The following TMEM187 variants were observed in gnomAD, a reference collection of about 807,000 sequenced individuals.
TMEM187 encodes the protein chromosome X open reading frame 12.
A neutral mutation model predicts 11.8 loss-of-function variants in TMEM187; 14 were observed. That is an observed-to-expected ratio of 1.18 (90% CI 0.78 to 1.85). TMEM187 has a LOEUF of 1.85. Ranked by LOEUF, TMEM187 falls within the 40% of genes most tolerant of loss-of-function variation. The probability of loss-of-function intolerance (pLI) is 0.00; values close to 1 mark genes in which losing one functional copy is unlikely to be tolerated. For missense variants in TMEM187, 227 were observed against 243.9 expected (o/e 0.93, Z 0.46); for synonymous variants, 112 against 118.5 (o/e 0.95, Z 0.36).
rs781834823 is a variant in TMEM187 at position 153,982,440 on chromosome X, C to T, written c.378C>T (p.Pro126=). 9 of 1,201,722 alleles carry T rather than the reference C, an allele frequency of 7.5e-6. No individual in the cohort carries two copies. The highest frequency in any genetic ancestry group is 3.5e-5 in the African/African-American group (2 of 57,773). ...QWLTLPIFAW[P]VAWCLYLDRG... ...TCACACTGCCCATCTTTGCATGGCC[C>T]GTGGCCTGGTGCCTCTACCTAGACC... Residue 126 remains proline (P), a synonymous_variant, in exon 2 of 2, where the codon CCC becomes CCT. Coordinates refer to ENST00000369982, the MANE Select transcript of TMEM187 (RefSeq NM_003492.3).
At chrX:153,979,972 C>T (rs993241206) in intron 1 of TMEM187, among the ~76,000 whole-genome samples, 17 of 108,891 alleles carry the variant, frequency 1.6e-4, no homozygotes, top group African/African-American at 1.0e-4. Context: ...CTCCTGACCT[C>T]GTGATCCACC....
intron 1 of TMEM187, among the ~76,000 whole-genome samples, chrX:153,974,314 A>T (rs1246415414): frequency 4.5e-5 from 5 of 112,128 alleles, no homozygotes; most frequent in African/African-American, 1.6e-4. Flanking sequence ...CATGGGTGCC[A>T]TGGGGCCCTA....
intron 1 of TMEM187, among the ~76,000 whole-genome samples, chrX:153,973,891 G>C (rs782511221): frequency 5.1e-4 from 57 of 111,999 alleles, no homozygotes; most frequent in African/African-American, 1.8e-3. Context: ...AAACGCGTGC[G>C]GGAGAGTCTG....
At chrX:153,975,590 A>G (rs1440553358) in intron 1 of TMEM187, among the ~76,000 whole-genome samples, 3 of 91,689 alleles carry the variant, frequency 3.3e-5, no homozygotes, top group Non-Finnish European at 4.1e-5. Flanking sequence ...TCAGCCTCCC[A>G]GTGTGCTGGG....
chrX:153,983,076 G>A lies in TMEM187; in HGVS notation c.*228G>A, dbSNP rs1399537639. 2 of 595,081 alleles carry A rather than the reference G, an allele frequency of 3.4e-6. No individual in the cohort carries two copies. Among genetic ancestry groups the A allele is most frequent in the Non-Finnish European group, 5.2e-6 (2 of 382,666 alleles). The allele number at this position is 595,081 out of a possible 1,213,427, so 49.0% of individuals were successfully genotyped here. The stretch of plus-strand genomic sequence containing the variant: ...GCACAGATCTCCGCACAGGGGATGT[G>A]TGTGTTCCTGATGTAATTTGCATAA... On this transcript the variant is annotated 3_prime_UTR_variant, in exon 2 of 2. Transcript: ENST00000369982.
chrX:153,982,380 G>A lies in TMEM187; in HGVS notation c.318G>A (p.Thr106=), dbSNP rs782611312. The change falls in exon 2 of 2, where the codon ACG becomes ACA. Residue 106 remains threonine, a synonymous_variant. Transcript: ENST00000369982. ...CCGTGCAGTGGCTGCGCCTGTGGAC[G>A]CAGTGGCGCCGTGCCGCGGTGCTGG... ...YGPVQWLRLW[T]QWRRAAVLDQ... The A allele has an allele frequency of 3.4e-5, 41 of 1,200,375 alleles. No homozygotes were observed. The highest frequency in any genetic ancestry group is 4.7e-4 in the Middle Eastern group (2 of 4,245).
rs782144234 is a variant in TMEM187, at chrX:153,982,182, C to T, written c.120C>T (p.Tyr40=). 18 of 1,211,746 alleles carry T rather than the reference C, an allele frequency of 1.5e-5. No individual in the cohort carries two copies. The Admixed American group carries it at 2.2e-4, about 15-fold the overall frequency. The change falls in exon 2 of 2, where the codon TAC becomes TAT. Residue 40 remains tyrosine, a synonymous_variant. Transcript: ENST00000369982. The part of the protein sequence containing the change: ...SVSVQVGYEH[Y]AEAPVAGLPA... Reference sequence around the variant, plus strand: ...CCGTGCAAGTGGGCTATGAGCACTACGCCGAGGCGCCCGTGGCCGGCCTCC... The same window carrying T: ...CCGTGCAAGTGGGCTATGAGCACTATGCCGAGGCGCCCGTGGCCGGCCTCC...
chrX:153,978,456 T>C (rs1202225652), intron 1 of TMEM187, among the ~76,000 whole-genome samples: 3 of 104,931 alleles, frequency 2.9e-5, no homozygotes, highest in Non-Finnish European at 5.9e-5. Context: ...TTAGTAGAGA[T>C]GGGGTTTCAC....
intron 1 of TMEM187, among the ~76,000 whole-genome samples, chrX:153,977,646 C>T (rs1339751133): frequency 9.4e-6 from 1 of 106,688 alleles, no homozygotes; most frequent in South Asian, 4.4e-4. Context: ...TGTGGTGGCT[C>T]ACGCCTGTCA....
intron 1 of TMEM187, among the ~76,000 whole-genome samples, chrX:153,975,075 G>A (rs2065572393): frequency 8.9e-6 from 1 of 111,958 alleles, no homozygotes; most frequent in Non-Finnish European, 1.9e-5. Flanking sequence ...ATTGCAGTAG[G>A]GCAGATGGAC....
At chrX:153,980,071 C>T (rs945246704) in intron 1 of TMEM187, among the ~76,000 whole-genome samples, 23 of 107,180 alleles carry the variant, frequency 2.1e-4, no homozygotes, top group Middle Eastern at 4.7e-3. Context: ...CAGGGCAGGC[C>T]GGGCGCTGTG....
chrX:153,978,424 A>C (rs1457679201), intron 1 of TMEM187, among the ~76,000 whole-genome samples: 8 of 104,257 alleles, frequency 7.7e-5, no homozygotes, highest in Non-Finnish European at 1.6e-4. Flanking sequence ...ATGAGCCATC[A>C]CGCCTGGCTA....
Position 153,982,796 on chromosome X carries a change from C to T in TMEM187, c.734C>T (p.Thr245Met), listed in dbSNP as rs782011639. ...TTCCACTTTGCGTTTTTGTTTCTGA[C>T]GCATTTCAACACTCACCCAAGATTC... Reference protein sequence around the residue: ...LQFHFAFLFLTHFNTHPRFHP... With the variant: ...LQFHFAFLFLMHFNTHPRFHP... The change falls in exon 2 of 2, where the codon ACG (threonine) becomes ATG (methionine). Residue 245 changes from threonine (T) to methionine (M), a missense_variant. By Grantham distance (81) the Thr-to-Met change is moderately conservative (BLOSUM62 -1). Coordinates refer to ENST00000369982, the MANE Select transcript of TMEM187 (RefSeq NM_003492.3). The T allele has an allele frequency of 2.3e-5, 28 of 1,210,679 alleles. No individual in the cohort carries two copies. Among genetic ancestry groups the T allele is most frequent in the Non-Finnish European group, 3.1e-5 (28 of 895,422 alleles).
intron 1 of TMEM187, among the ~76,000 whole-genome samples, chrX:153,973,656 G>T (rs1437055644): frequency 9.4e-6 from 1 of 106,152 alleles, no homozygotes; most frequent in African/African-American, 3.5e-5. Context: ...GCTCCAGCCT[G>T]GGCGACAGAG....
At chrX:153,978,899 G>A (rs188765998) in intron 1 of TMEM187, among the ~76,000 whole-genome samples, 381 of 109,862 alleles carry the variant, frequency 3.5e-3, no homozygotes, top group Non-Finnish European at 6.0e-3. Flanking sequence ...CAATTCTCCC[G>A]TCTCAGCCTC....
At position 153,974,175 on chromosome X, in the gene TMEM187, C is replaced by T. The variant is rs929645762; in HGVS notation, c.-214+1315C>T. Among the ~76,000 whole-genome samples the T allele has an allele frequency of 7.1e-5, 8 of 112,356 alleles. No homozygotes were observed. In the South Asian group the frequency reaches 1.1e-3, roughly 16 times the overall value. ...CGTACCCCCGGTCAGATAGACTGAA[C>T]CCCTGCAGCCGGAAAGAGGAGTTGC... is the stretch of plus-strand genomic sequence containing the variant. On this transcript the variant is annotated intron_variant, in intron 1 of 1. Coordinates refer to ENST00000369982, the MANE Select transcript of TMEM187 (RefSeq NM_003492.3).
At chrX:153,977,621 A>G (rs1448706317) in intron 1 of TMEM187, among the ~76,000 whole-genome samples, 1 of 110,089 alleles carries the variant, frequency 9.1e-6, no homozygotes, top group African/African-American at 3.3e-5. Flanking sequence ...CAAAAAATAA[A>G]TAAAATAGGC....
At chrX:153,976,873 A>G (rs782394697) in intron 1 of TMEM187, among the ~76,000 whole-genome samples, 5 of 112,699 alleles carry the variant, frequency 4.4e-5, no homozygotes, top group Non-Finnish European at 9.4e-5. Context: ...GAAATAAACA[A>G]ACTAATAAGA....
intron 1 of TMEM187, among the ~76,000 whole-genome samples, chrX:153,981,402 G>A (rs1414214192): frequency 1.3e-4 from 14 of 111,636 alleles, no homozygotes; most frequent in Middle Eastern, 4.6e-3. Context: ...CTTGCCTCCC[G>A]GCCTGGTGCT....
Sources: allele counts gnomAD v4.1 joint callset (sites outside exome capture counted in the v4.1 genomes callset), GRCh38; gene constraint gnomAD v4.1.1; transcripts MANE v1.5; gene names NCBI Gene and HGNC (gene_info 2026-07-23, HGNC 2026-07-21).